PROSER3: variants seen among roughly 807,000 people sequenced by gnomAD.
The protein encoded by PROSER3 is proline and serine rich 3, also known as proline and serine-rich protein 3.
A neutral mutation model predicts 50.2 loss-of-function variants in PROSER3; 33 were observed. The ratio of observed to expected loss-of-function variants is 0.66; its 90% CI spans 0.50 to 0.88. The LOEUF (loss-of-function observed/expected upper bound fraction) is 0.88. Among genes scored for constraint, PROSER3 ranks in the 40% least tolerant of loss-of-function variants. The probability of loss-of-function intolerance (pLI) is 0.00; values close to 1 mark genes in which losing one functional copy is unlikely to be tolerated. For synonymous variants in PROSER3, 266 were observed against 259.3 expected (o/e 1.03, Z -0.25); for missense variants, 623 against 612.7 (o/e 1.02, Z -0.18).
chr19:35,770,543 GA>G (rs1162813455), downstream of PROSER3, among the ~76,000 whole-genome samples: 1 of 152,160 alleles, frequency 6.6e-6, no homozygotes, highest in African/African-American at 2.4e-5. Context: ...ATAAAATGCA[GA>G]GGAAGTGATG....
At chr19:35,761,396 C>T (rs955324949) in intron 3 of PROSER3, among the ~76,000 whole-genome samples, 1 of 152,064 alleles carries the variant, frequency 6.6e-6, no homozygotes, top group Non-Finnish European at 1.5e-5. Context: ...ATTGGCAGGG[C>T]TGCAGTGGCT....
intron 7 of PROSER3, 51 bp from the exon 8 acceptor site, chr19:35,766,717 C>T: frequency 7.2e-7 from 1 of 1,380,546 alleles, no homozygotes; most frequent in Admixed American, 2.1e-5. Flanking sequence ...CCTGGGGTTG[C>T]TGATCTCCCT....
intron 8 of PROSER3, 34 bp from the exon 9 acceptor site, chr19:35,767,038 C>G: frequency 7.1e-7 from 1 of 1,411,058 alleles, no homozygotes; most frequent in Non-Finnish European, 9.5e-7. Context: ...CACCCTCTCT[C>G]TCTCTGTCTC....
intron 10 of PROSER3, 64 bp from the exon 11 acceptor site, chr19:35,768,340 C>T: frequency 1.3e-6 from 2 of 1,581,604 alleles, no homozygotes; most frequent in Non-Finnish European, 1.7e-6. Context: ...AGCAGTCCGT[C>T]CACAGCCCCA....
chr19:35,759,659 C>T, intron 2 of PROSER3, 130 bp from the exon 3 acceptor site: 3 of 1,047,018 alleles, frequency 2.9e-6, no homozygotes, highest in Non-Finnish European at 4.2e-6. Context: ...CCCCATCACA[C>T]TAGGTTGTTA....
chr19:35,768,734 C>T (rs1971259617), exon 11 of PROSER3: 1 of 597,260 alleles, frequency 1.7e-6, no homozygotes, highest in African/African-American at 1.9e-5. Context: ...GAAACAAGAT[C>T]TCCTTTCTGG....
intron 8 of PROSER3, chr19:35,767,649 T>C: frequency 1.0e-6 from 1 of 952,778 alleles, no homozygotes; most frequent in Non-Finnish European, 1.5e-6. Flanking sequence ...CTGGGCCAGG[T>C]AGTGGCAGCT....
intron 5 of PROSER3, chr19:35,762,578 G>T: frequency 1.9e-6 from 1 of 516,260 alleles, no homozygotes; most frequent in East Asian, 3.3e-5. Context: ...GAGAGAGAGA[G>T]AACCAGGTGT....
exon 10 of PROSER3, chr19:35,768,159 C>G (rs753402718): frequency 2.4e-5 from 39 of 1,612,940 alleles, no homozygotes; most frequent in Non-Finnish European, 2.9e-5. Context: ...GCCCAGACTC[C>G]GACGGCAGCG....
exon 9 of PROSER3, chr19:35,768,032 G>C (rs763980148): frequency 3.1e-5 from 49 of 1,580,512 alleles, no homozygotes; most frequent in Non-Finnish European, 3.9e-5. Context: ...GGCCCTGCTT[G>C]CCCAGGCCGC....
At position 35,759,831 on chromosome 19, in the gene PROSER3, G is replaced by A. The variant is rs949768973; in HGVS notation, c.151G>A (p.Ala51Thr). Reference sequence around the variant, plus strand: ...GTCTCAGAGATCCAGGCTCCCACAAGCTCCCAAGGCTCTAGCCACAGGTCC... The same window carrying A: ...GTCTCAGAGATCCAGGCTCCCACAAACTCCCAAGGCTCTAGCCACAGGTCC... The change falls in exon 3 of 11, where the codon GCT (alanine) becomes ACT (threonine). Residue 51 changes from alanine to threonine, a missense_variant. Coordinates refer to ENST00000396908, the Ensembl canonical transcript of PROSER3. 58 of 1,573,026 alleles carry A rather than the reference G, an allele frequency of 3.7e-5. No individual in the cohort carries two copies. Among genetic ancestry groups the A allele is most frequent in the Non-Finnish European group, 4.8e-5 (56 of 1,159,686 alleles).
At position 35,764,954 on chromosome 19, in the gene PROSER3, C is replaced by T. The variant is rs1387436492; in HGVS notation, c.626+18C>T. ...AAACGCAGGTGCCCGCACCCCTGCCCCCATCACCCTTCCTACTGCGGCTCC... is the reference window on the plus strand; with the variant it reads ...AAACGCAGGTGCCCGCACCCCTGCCTCCATCACCCTTCCTACTGCGGCTCC... On this transcript the variant is annotated intron_variant, in intron 6 of 10. Coordinates refer to ENST00000396908, the Ensembl canonical transcript of PROSER3. 1.2e-6 allele frequency: 2 copies of T among 1,613,440 alleles called. No homozygotes were observed. Among genetic ancestry groups the T allele is most frequent in the Admixed American group, 1.7e-5 (1 of 60,014 alleles).
chr19:35,758,938 C>T (rs1392621456), intron 1 of PROSER3: 1 of 161,628 alleles, frequency 6.2e-6, no homozygotes, highest in African/African-American at 2.4e-5. Context: ...TCCCAAAGTG[C>T]TGGGATTACA....
chr19:35,759,850 C>A, exon 3 of PROSER3: 1 of 1,579,528 alleles, frequency 6.3e-7, no homozygotes. Flanking sequence ...GCTCTAGCCA[C>A]AGGTCCCAAC....
At chr19:35,767,996 C>A in exon 9 of PROSER3, 1 of 1,595,922 alleles carries the variant, frequency 6.3e-7, no homozygotes. Flanking sequence ...CCCGCCCCCG[C>A]CCGCTGCTGA....
chr19:35,759,452 C>T, exon 2 of PROSER3: 1 of 1,612,920 alleles, frequency 6.2e-7, no homozygotes, highest in Non-Finnish European at 8.5e-7. Flanking sequence ...CATCCCAGAG[C>T]CAGACCTGGT....
At chr19:35,767,874 C>A in exon 9 of PROSER3, 1 of 1,613,340 alleles carries the variant, frequency 6.2e-7, no homozygotes. Flanking sequence ...GAAGCCACTC[C>A]TTCCCCTGGA....
In PROSER3 at chr19:35,766,764, A is replaced by ACAG; in HGVS notation, c.770-1_771dup. ...CACCCTCTCCTCTCTACCTCCCCCT[A>ACAG]CAGCATCCCCGGCACCAGCCCAGGC... On this transcript the variant is annotated splice_polypyrimidine_tract_variant and splice_region_variant and intron_variant, in intron 7 of 10. Coordinates refer to ENST00000396908, the Ensembl canonical transcript of PROSER3. The ACAG allele has an allele frequency of 6.5e-7, 1 of 1,544,308 alleles. No homozygotes were observed. Among genetic ancestry groups the ACAG allele is most frequent in the Non-Finnish European group, 8.8e-7 (1 of 1,142,162 alleles).
chr19:35,768,549 G>A (rs1291269197), exon 11 of PROSER3: 3 of 1,568,996 alleles, frequency 1.9e-6, no homozygotes, highest in African/African-American at 1.4e-5. Flanking sequence ...ACTTTGAATT[G>A]TACAGATTCT....
Sources: gnomAD v4.1 joint callset for allele counts (sites outside exome capture counted in the v4.1 genomes callset) on GRCh38, gnomAD v4.1.1 for gene constraint, MANE v1.5 for transcripts, NCBI Gene and HGNC (gene_info 2026-07-23, HGNC 2026-07-21) for gene names.